ZNF469: variants seen among roughly 807,000 people sequenced by gnomAD.
ZNF469 encodes the protein zinc finger protein 469.
Under a neutral mutation model 1.0 loss-of-function variants are expected in ZNF469, and 1 was observed. The observed-to-expected ratio is 1.00, with a 90% CI of 0.35 to 4.73. The LOEUF (loss-of-function observed/expected upper bound fraction) is 4.73, where lower values mean the gene tolerates loss of function less well. Ranked by LOEUF, ZNF469 falls within the 30% of genes most tolerant of loss-of-function variation. The pLI is 0.16. For missense variants in ZNF469, 6,100 were observed against 5,356.3 expected, an observed-to-expected ratio of 1.14 and a Z score of -4.33; for synonymous variants, 2,703 against 2,363.4, an observed-to-expected ratio of 1.14 and a Z score of -4.17.
the ZNF469 span, among the ~76,000 whole-genome samples, chr16:88,369,446 C>A: frequency 1.3e-5 from 2 of 152,226 alleles, no homozygotes; most frequent in Admixed American, 6.5e-5. Context: ...TCTCTCCCCA[C>A]TTCTCCATTG....
At chr16:88,377,296 A>G in the ZNF469 span, among the ~76,000 whole-genome samples, 2 of 152,212 alleles carry the variant, frequency 1.3e-5, no homozygotes, top group African/African-American at 4.8e-5. Context: ...AGGGTGGGCA[A>G]GGTGGATCCT....
At chr16:88,425,168 C>T (rs541829118) in intron 2 of ZNF469, among the ~76,000 whole-genome samples, 1 of 152,348 alleles carries the variant, frequency 6.6e-6, no homozygotes, top group East Asian at 1.9e-4. Context: ...GACAAAGCCC[C>T]TGGGCACAGC....
the ZNF469 span, among the ~76,000 whole-genome samples, chr16:88,248,822 A>T: frequency 6.6e-6 from 1 of 152,224 alleles, no homozygotes; most frequent in Non-Finnish European, 1.5e-5. Flanking sequence ...ATCAGAAGCC[A>T]GCTGTCGGGC....
the ZNF469 span, among the ~76,000 whole-genome samples, chr16:88,118,382 C>T: frequency 1.1e-4 from 16 of 152,296 alleles, no homozygotes; most frequent in African/African-American, 2.6e-4. Context: ...ACCCTGAGGA[C>T]GGGAGCCCTT....
the ZNF469 span, among the ~76,000 whole-genome samples, chr16:88,251,546 T>G: frequency 1.3e-4 from 3 of 23,246 alleles, no homozygotes; most frequent in African/African-American, 1.4e-4. Context: ...GTCTTTTTTT[T>G]TTTTTTTTTT....
chr16:88,388,586 A>G (rs918327366), intron 1 of ZNF469, among the ~76,000 whole-genome samples: 12 of 152,244 alleles, frequency 7.9e-5, no homozygotes, highest in African/African-American at 2.7e-4. Flanking sequence ...GCTTCTCTGC[A>G]TTCCGGGCAG....
At chr16:88,314,233 T>C in the ZNF469 span, among the ~76,000 whole-genome samples, 1 of 130,420 alleles carries the variant, frequency 7.7e-6, no homozygotes, top group Non-Finnish European at 1.8e-5. Flanking sequence ...GTAATTAAGA[T>C]GATGCTGGTG....
upstream of ZNF469, among the ~76,000 whole-genome samples, chr16:88,380,363 ACAGACATGCACTCACACG>A (rs1469197328): frequency 7.0e-6 from 1 of 142,382 alleles, no homozygotes; most frequent in Non-Finnish European, 1.5e-5. Context: ...GCGCTCACAC[ACAGACATGCACTCACACG>A]CACTCACAGA....
chr16:88,247,202 ATGAG>A, the ZNF469 span, among the ~76,000 whole-genome samples: 1 of 151,330 alleles, frequency 6.6e-6, no homozygotes, highest in African/African-American at 2.4e-5. Context: ...CAGCGAGTGA[ATGAG>A]TGAGGGAATA....
the ZNF469 span, among the ~76,000 whole-genome samples, chr16:88,260,483 T>G: frequency 6.6e-6 from 1 of 152,220 alleles, no homozygotes; most frequent in Admixed American, 6.5e-5. The surrounding 1 kb of genome is among the most constrained non-coding windows in gnomAD (Gnocchi z 4.1). Context: ...GGTGCTGGTC[T>G]GGGTGCACAC....
At chr16:88,362,724 G>C in the ZNF469 span, among the ~76,000 whole-genome samples, 4 of 152,110 alleles carry the variant, frequency 2.6e-5, no homozygotes, top group Admixed American at 2.0e-4. Context: ...CTTGCTTCTT[G>C]TTGACTTTCT....
At chr16:88,243,603 G>A in the ZNF469 span, among the ~76,000 whole-genome samples, 3 of 152,038 alleles carry the variant, frequency 2.0e-5, no homozygotes, top group East Asian at 1.9e-4. Flanking sequence ...CTGCATGTAC[G>A]TTAGCAGGTG....
the ZNF469 span, among the ~76,000 whole-genome samples, chr16:88,144,236 G>A: frequency 5.3e-5 from 8 of 152,324 alleles, no homozygotes; most frequent in Middle Eastern, 3.4e-3. Flanking sequence ...GCGTCTCTCT[G>A]GTCCCGGCAG....
At chr16:88,345,074 C>T in the ZNF469 span, among the ~76,000 whole-genome samples, 3 of 152,208 alleles carry the variant, frequency 2.0e-5, no homozygotes, top group Non-Finnish European at 2.9e-5. Flanking sequence ...CCTCCTCACC[C>T]GTTGTAAAGG....
the ZNF469 span, among the ~76,000 whole-genome samples, chr16:88,156,272 T>C: frequency 6.6e-6 from 1 of 152,232 alleles, no homozygotes; most frequent in African/African-American, 2.4e-5. Flanking sequence ...TCTTTTCTTA[T>C]GATGCTTTTG....
the ZNF469 span, among the ~76,000 whole-genome samples, chr16:88,123,026 C>T: frequency 6.6e-6 from 1 of 151,910 alleles, no homozygotes; most frequent in Non-Finnish European, 1.5e-5. Flanking sequence ...CTCAGATTGC[C>T]TCTTTGTTGG....
chr16:88,327,722 G>C, the ZNF469 span, among the ~76,000 whole-genome samples: 1 of 152,168 alleles, frequency 6.6e-6, no homozygotes, highest in African/African-American at 2.4e-5. Context: ...ACTGAGCACT[G>C]ACAGGGCAGC....
chr16:88,215,618 G>C, the ZNF469 span, among the ~76,000 whole-genome samples: 4 of 151,752 alleles, frequency 2.6e-5, no homozygotes, highest in African/African-American at 9.7e-5. Context: ...TCGAACTCCT[G>C]ACCTCAGATG....
At chr16:88,276,875 C>T in the ZNF469 span, among the ~76,000 whole-genome samples, 23 of 152,054 alleles carry the variant, frequency 1.5e-4, no homozygotes, top group Non-Finnish European at 3.2e-4. Context: ...CACGCTGACG[C>T]TCGGTCAGTA....
Sources: allele counts gnomAD v4.1 joint callset (sites outside exome capture counted in the v4.1 genomes callset), GRCh38; gene constraint gnomAD v4.1.1; non-coding constraint Gnocchi (gnomAD v3.1); transcripts MANE v1.5; gene names NCBI Gene and HGNC (gene_info 2026-07-23, HGNC 2026-07-21).